DNAH6: variants seen among roughly 807,000 people sequenced by gnomAD.
The protein encoded by DNAH6 is axonemal beta dynein heavy chain 6.
In DNAH6, 340 loss-of-function variants were observed where a neutral mutation model predicts 491.4. The ratio of observed to expected loss-of-function variants is 0.69; its 90% CI spans 0.63 to 0.76. The LOEUF is 0.76. Ranked by LOEUF, DNAH6 falls within the 30% of genes least tolerant of loss-of-function variation. The pLI is 0.00. For synonymous variants in DNAH6, 1,603 were observed against 1,686.1 expected, an observed-to-expected ratio of 0.95 and a Z score of 1.21; for missense variants, 4,443 against 4,972.2, an observed-to-expected ratio of 0.89 and a Z score of 3.20.
rs79630561 is a variant in DNAH6 at position 84,617,737 on chromosome 2, T to C, written c.3572+755T>C. On this transcript the variant is annotated intron_variant, in intron 23 of 76. Transcript: ENST00000389394. ...GTGCACAAACATGTGTGTAAAAAGT[T>C]AAGAGAGACCGGTGTTGCCTGAGCA... is the stretch of plus-strand genomic sequence containing the variant. Among the ~76,000 whole-genome samples, 1,395 of 152,172 alleles carry C rather than the reference T, an allele frequency of 9.2e-3. 24 individuals are homozygous for C. Among genetic ancestry groups the C allele is most frequent in the African/African-American group, 0.032 (1,344 of 41,542 alleles).
rs556141468 is a variant in DNAH6, at chr2:84,674,090, C to T, written c.6612+1606C>T. Among the ~76,000 whole-genome samples the T allele has an allele frequency of 9.1e-4, 139 of 152,280 alleles. 1 individual carries two copies. The highest frequency in any genetic ancestry group is 1.8e-3 in the Non-Finnish European group (124 of 68,014). ...CAAGAAAAGGGCGGGGGGCATGTTTCGTTTTGCTCACAATAAAAACAAATA... is the reference window on the plus strand; with the variant it reads ...CAAGAAAAGGGCGGGGGGCATGTTTTGTTTTGCTCACAATAAAAACAAATA... On this transcript the variant is annotated intron_variant, in intron 40 of 76. Coordinates refer to ENST00000389394, the MANE Select transcript of DNAH6 (RefSeq NM_001370.2).
At chr2:84,599,595 C>T (rs180848652) in intron 18 of DNAH6, among the ~76,000 whole-genome samples, 276 of 152,216 alleles carry the variant, frequency 1.8e-3, no homozygotes, top group African/African-American at 6.4e-3. Context: ...TTTCTTCAGT[C>T]ATTATTTGGA....
intron 7 of DNAH6, 143 bp downstream of exon 7, chr2:84,547,755 T>C: frequency 1.0e-6 from 1 of 962,028 alleles, no homozygotes; most frequent in Non-Finnish European, 1.5e-6. Context: ...ATAAATTTAA[T>C]GTATTTTGTG....
chr2:84,621,384 G>T, intron 25 of DNAH6, 29 bp downstream of exon 25: 1 of 1,548,484 alleles, frequency 6.5e-7, no homozygotes, highest in East Asian at 2.4e-5. Context: ...TCATATCCCT[G>T]AATTCTTATT....
chr2:84,802,691 T>G (rs760860090), intron 70 of DNAH6, among the ~76,000 whole-genome samples: 7 of 152,254 alleles, frequency 4.6e-5, no homozygotes, highest in Admixed American at 3.3e-4. Context: ...AGACCTAAAT[T>G]CAATACTTGA....
At chr2:84,576,590 T>G (rs1682469617) in intron 12 of DNAH6, among the ~76,000 whole-genome samples, 1 of 152,028 alleles carries the variant, frequency 6.6e-6, no homozygotes, top group Non-Finnish European at 1.5e-5. Context: ...GCAGAGAAGT[T>G]TAGAACTGTA....
chr2:84,485,222 G>A, the DNAH6 span, among the ~76,000 whole-genome samples: 1 of 152,174 alleles, frequency 6.6e-6, no homozygotes, highest in Non-Finnish European at 1.5e-5. Context: ...GGGTTTGTAT[G>A]TAGGTGCTGT....
chr2:84,730,891 G>A (rs1038544494), intron 61 of DNAH6, among the ~76,000 whole-genome samples: 9 of 152,206 alleles, frequency 5.9e-5, no homozygotes, highest in Non-Finnish European at 8.8e-5. Context: ...GCCTATGAAC[G>A]TTAACTAATC....
At position 84,805,263 on chromosome 2, in the gene DNAH6, G is replaced by A. The variant is rs184327106; in HGVS notation, c.11482-402G>A. On this transcript the variant is annotated intron_variant, in intron 70 of 76. Coordinates refer to ENST00000389394, the MANE Select transcript of DNAH6 (RefSeq NM_001370.2). ...AAGACAGAAAATAAAATTTCCTTAA[G>A]CCAGTCACAAAAAGACAAATACTGC... is the stretch of plus-strand genomic sequence containing the variant. Among the ~76,000 whole-genome samples the A allele has an allele frequency of 3.0e-3, 453 of 152,128 alleles. 3 individuals carry two copies. Among genetic ancestry groups the A allele is most frequent in the African/African-American group, 0.011 (443 of 41,514 alleles).
chr2:84,497,457 A>G, the DNAH6 span, among the ~76,000 whole-genome samples: 2 of 152,208 alleles, frequency 1.3e-5, no homozygotes. Context: ...TTCATTTCGC[A>G]AGGGTAAATA....
intron 20 of DNAH6, among the ~76,000 whole-genome samples, chr2:84,606,597 T>C (rs1036151759): frequency 6.6e-6 from 1 of 152,146 alleles, no homozygotes; most frequent in Non-Finnish European, 1.5e-5. Context: ...AGAAGACAGC[T>C]AATTTTGCCA....
In DNAH6 at chr2:84,634,605, G is replaced by A. The variant is rs61730451; in HGVS notation, c.4617G>A (p.Gln1539=). ...TAGAAGTTCTGTCCGTCATCGCGCA[G>A]CAACTCATTACCATTAGGAACGCCA... ...IDIEVLSVIA[Q]QLITIRNAKA... is the part of the protein sequence containing the mutation. The change falls in exon 30 of 77, where the codon CAG becomes CAA. Residue 1539 remains glutamine, a synonymous_variant. Coordinates refer to ENST00000389394, the MANE Select transcript of DNAH6 (RefSeq NM_001370.2). 0.025 allele frequency: 39,171 copies of A among 1,548,692 alleles called. 639 individuals are homozygous for A. Among genetic ancestry groups the A allele is most frequent in the South Asian group, 0.035 (2,902 of 83,528 alleles).
intron 46 of DNAH6, among the ~76,000 whole-genome samples, chr2:84,695,048 G>A (rs930008611): frequency 6.6e-6 from 1 of 152,078 alleles, no homozygotes; most frequent in African/African-American, 2.4e-5. Context: ...ATGCATAAAT[G>A]TTTTAAATAT....
chr2:84,612,955 A>G (rs540756789), intron 22 of DNAH6, among the ~76,000 whole-genome samples: 66 of 152,238 alleles, frequency 4.3e-4, no homozygotes, highest in African/African-American at 1.5e-3. Flanking sequence ...GTTAGATTAC[A>G]GAGTGCTGTC....
chr2:84,667,732 A>G (rs559327788), intron 37 of DNAH6, among the ~76,000 whole-genome samples: 3 of 152,316 alleles, frequency 2.0e-5, no homozygotes, highest in East Asian at 1.9e-4. Context: ...CAGCCATCCC[A>G]TTACTGGGTA....
At chr2:84,552,741 T>C (rs1047309782) in intron 9 of DNAH6, among the ~76,000 whole-genome samples, 177 bp from the exon 10 acceptor site, 1 of 152,210 alleles carries the variant, frequency 6.6e-6, no homozygotes, top group African/African-American at 2.4e-5. Context: ...ATGTAGTCTT[T>C]CAATATTTGC....
At chr2:84,761,577 A>G (rs1674582423) in intron 63 of DNAH6, among the ~76,000 whole-genome samples, 1 of 152,204 alleles carries the variant, frequency 6.6e-6, no homozygotes, top group African/African-American at 2.4e-5. Flanking sequence ...AGTAGAACTA[A>G]GCTCCAAACG....
chr2:84,797,581 GACT>G lies in DNAH6; in HGVS notation c.11407_11409del (p.Tyr3803del), dbSNP rs1407753222. ...GGCTGACAGCCTACAAGAGTTTAAG[GACT>G]ACATTGAAAATCTGCCTTTGATCGA... On this transcript the variant is annotated inframe_deletion, in exon 70 of 77. Transcript: ENST00000389394. 1.4e-5 allele frequency: 21 copies of G among 1,551,680 alleles called. No homozygotes were observed. Among genetic ancestry groups the G allele is most frequent in the Non-Finnish European group, 1.8e-5 (21 of 1,146,856 alleles).
At chr2:84,813,271 G>GCTCTTCCTCA (rs1325676475) in intron 74 of DNAH6, 141 bp downstream of exon 74, 1 of 656,720 alleles carries the variant, frequency 1.5e-6, no homozygotes, top group Non-Finnish European at 2.7e-6. Flanking sequence ...ACAAGGTCGT[G>GCTCTTCCTCA]CTCTTCCTCA....
Sources: allele counts gnomAD v4.1 joint callset (sites outside exome capture counted in the v4.1 genomes callset), GRCh38; gene constraint gnomAD v4.1.1; transcripts MANE v1.5; gene names NCBI Gene and HGNC (gene_info 2026-07-23, HGNC 2026-07-21).